The following MDGA2 variants were observed in gnomAD, a reference collection of about 807,000 sequenced individuals.
MDGA2 encodes MAM domain containing glycosylphosphatidylinositol anchor 2.
A neutral mutation model predicts 117.8 loss-of-function variants in MDGA2; 40 were observed. The ratio of observed to expected loss-of-function variants is 0.34; its 90% CI spans 0.26 to 0.44. The LOEUF (loss-of-function observed/expected upper bound fraction) is 0.44. Ranked by LOEUF, MDGA2 falls within the 20% of genes least tolerant of loss-of-function variation. MDGA2 has a pLI of 1.00. For synonymous variants in MDGA2, 452 were observed against 439.0 expected (o/e 1.03, Z -0.37); for missense variants, 1,123 against 1,250.6 (o/e 0.90, Z 1.54).
chr14:47,053,619 A>ATATATATATG (rs1889539377), intron 7 of MDGA2, among the ~76,000 whole-genome samples: 1 of 74,450 alleles, frequency 1.3e-5, no homozygotes, highest in Admixed American at 1.3e-4. Context: ...ATATATATAT[A>ATATATATATG]TATATATATA....
At chr14:47,257,979 G>T (rs889614925) in intron 2 of MDGA2, among the ~76,000 whole-genome samples, 2 of 152,010 alleles carry the variant, frequency 1.3e-5, no homozygotes, top group Non-Finnish European at 2.9e-5. Context: ...AAAGTAAAAT[G>T]GTTACATCAC....
intron 9 of MDGA2, among the ~76,000 whole-genome samples, chr14:46,955,613 C>T (rs1885536128): frequency 6.6e-6 from 1 of 151,952 alleles, no homozygotes; most frequent in Non-Finnish European, 1.5e-5. Context: ...CTTACTCTAA[C>T]ATACATCATA....
Position 47,493,877 on chromosome 14 carries a change from T to A in MDGA2, c.280+180640A>T, listed in dbSNP as rs1439182109. 3.3e-5 allele frequency among the ~76,000 whole-genome samples: 5 copies of A among 152,246 alleles called. No individual in the cohort carries two copies. In the East Asian group the frequency reaches 9.7e-4, roughly 29 times the overall value. On this transcript the variant is annotated intron_variant, in intron 1 of 16. Transcript: ENST00000399232. ...TTCAAGAGATATATATAGATATAGA[T>A]TGCTGTGTGGTATGGTTTGGCTGTG...
At chr14:47,082,546 G>A (rs1437814006) in intron 6 of MDGA2, among the ~76,000 whole-genome samples, 1 of 151,978 alleles carries the variant, frequency 6.6e-6, no homozygotes, top group Non-Finnish European at 1.5e-5. Context: ...AATATGCTCA[G>A]CCACTGATTG....
At chr14:47,061,184 G>T in intron 7 of MDGA2, 65 bp downstream of exon 7, 1 of 1,406,232 alleles carries the variant, frequency 7.1e-7, no homozygotes, top group Non-Finnish European at 9.7e-7. Flanking sequence ...AAACCTACTT[G>T]ATCTGTTAAA....
At position 47,429,333 on chromosome 14, in the gene MDGA2, G is replaced by A. The variant is rs532470130; in HGVS notation, c.281-127783C>T. 2.0e-5 allele frequency among the ~76,000 whole-genome samples: 3 copies of A among 151,950 alleles called. No homozygotes were observed. In the South Asian group the frequency reaches 6.2e-4, roughly 32 times the overall value. On this transcript the variant is annotated intron_variant, in intron 1 of 16. Coordinates refer to ENST00000399232, the MANE Select transcript of MDGA2 (RefSeq NM_001113498.3). Reference sequence around the variant, plus strand: ...TTATATGTGCATATATGTCAAAGGAGAAAGACAGTTTTGATATTTAGTTCC... The same window carrying A: ...TTATATGTGCATATATGTCAAAGGAAAAAGACAGTTTTGATATTTAGTTCC...
At chr14:47,533,457 C>T (rs1489295453) in intron 1 of MDGA2, among the ~76,000 whole-genome samples, 3 of 152,130 alleles carry the variant, frequency 2.0e-5, no homozygotes, top group Non-Finnish European at 4.4e-5. Flanking sequence ...CTGAAAGACA[C>T]ATATTGGATC....
chr14:47,151,826 G>C (rs888255694), intron 3 of MDGA2, among the ~76,000 whole-genome samples: 1 of 151,446 alleles, frequency 6.6e-6, no homozygotes, highest in Non-Finnish European at 1.5e-5. Flanking sequence ...ATTTCTATGT[G>C]TATAGGACTC....
chr14:47,465,104 C>A (rs1024890370), intron 1 of MDGA2, among the ~76,000 whole-genome samples: 1 of 152,052 alleles, frequency 6.6e-6, no homozygotes, highest in African/African-American at 2.4e-5. Flanking sequence ...GGAGAAATGA[C>A]TCCCTATTCA....
chr14:47,176,544 A>G (rs1277907803), intron 3 of MDGA2, among the ~76,000 whole-genome samples: 1 of 152,222 alleles, frequency 6.6e-6, no homozygotes, highest in Non-Finnish European at 1.5e-5. Context: ...AAAACAAGCA[A>G]TGGAGAAAGG....
intron 1 of MDGA2, among the ~76,000 whole-genome samples, chr14:47,334,050 A>G (rs1890369405): frequency 6.6e-6 from 1 of 151,868 alleles, no homozygotes; most frequent in South Asian, 2.1e-4. Flanking sequence ...AAATAAGTCT[A>G]TAATGGAATT....
At chr14:47,360,295 G>T (rs1358942032) in intron 1 of MDGA2, among the ~76,000 whole-genome samples, 1 of 151,366 alleles carries the variant, frequency 6.6e-6, no homozygotes, top group South Asian at 2.1e-4. Flanking sequence ...AGGTTGCGGT[G>T]AGCCAAGATC....
chr14:47,563,846 G>A (rs1203932846), intron 1 of MDGA2, among the ~76,000 whole-genome samples: 1 of 151,884 alleles, frequency 6.6e-6, no homozygotes, highest in African/African-American at 2.4e-5. Context: ...GTTGCTTTAT[G>A]GTATCACTGG....
At chr14:47,552,508 C>T (rs1895601746) in intron 1 of MDGA2, among the ~76,000 whole-genome samples, 1 of 152,198 alleles carries the variant, frequency 6.6e-6, no homozygotes, top group Admixed American at 6.5e-5. Flanking sequence ...TCCAATCTTT[C>T]AGCAAATCCT....
In MDGA2 at chr14:46,899,980, TAAAC is replaced by T. The variant is rs561268485; in HGVS notation, c.2239-17763_2239-17760del. On this transcript the variant is annotated intron_variant, in intron 10 of 16. Coordinates refer to ENST00000399232, the MANE Select transcript of MDGA2 (RefSeq NM_001113498.3). ...CATATATACTTAGAAAAGAAAAAAATAAACAAAGTAGTCACTACTTGAAAATACA... is the reference window on the plus strand; with the variant it reads ...CATATATACTTAGAAAAGAAAAAAATAAAGTAGTCACTACTTGAAAATACA... 2.9e-3 allele frequency among the ~76,000 whole-genome samples: 435 copies of T among 151,946 alleles called. 6 individuals carry two copies. Among genetic ancestry groups the T allele is most frequent in the African/African-American group, 9.5e-3 (396 of 41,470 alleles).
chr14:47,666,289 A>C (rs1461103974), intron 1 of MDGA2, among the ~76,000 whole-genome samples: 1 of 151,956 alleles, frequency 6.6e-6, no homozygotes, highest in Non-Finnish European at 1.5e-5. Flanking sequence ...ACCAATCAGC[A>C]CTCTGTGTCT....
intron 3 of MDGA2, among the ~76,000 whole-genome samples, chr14:47,144,815 A>ATT (rs60842690): frequency 6.1e-5 from 8 of 130,434 alleles, no homozygotes; most frequent in African/African-American, 1.5e-4. Context: ...TGCCCGGCTA[A>ATT]TTTTTTTTTT....
intron 2 of MDGA2, among the ~76,000 whole-genome samples, chr14:47,223,294 T>C (rs750466146): frequency 6.6e-6 from 1 of 152,172 alleles, no homozygotes; most frequent in Non-Finnish European, 1.5e-5. Flanking sequence ...CAGGAAAATA[T>C]AAACCTTAAG....
chr14:47,442,906 TC>T (rs1893043015), intron 1 of MDGA2, among the ~76,000 whole-genome samples: 1 of 152,118 alleles, frequency 6.6e-6, no homozygotes, highest in African/African-American at 2.4e-5. Flanking sequence ...ATCCCTTTGT[TC>T]GGCGTACCCA....
Sources: gnomAD v4.1 joint callset for allele counts (sites outside exome capture counted in the v4.1 genomes callset) on GRCh38, gnomAD v4.1.1 for gene constraint, MANE v1.5 for transcripts, NCBI Gene and HGNC (gene_info 2026-07-23, HGNC 2026-07-21) for gene names.